The following SAMD7 variants were observed in gnomAD, a reference collection of about 807,000 sequenced individuals.
SAMD7 encodes the protein sterile alpha motif domain-containing protein 7.
A neutral mutation model predicts 36.7 loss-of-function variants in SAMD7; 34 were observed. The observed-to-expected ratio is 0.93, with a 90% CI of 0.71 to 1.23. SAMD7 has a LOEUF of 1.23. SAMD7 is among the 50% of genes most tolerant of loss of function. The pLI, the probability that SAMD7 is intolerant of heterozygous loss-of-function variation, is 0.00. For missense variants in SAMD7, 570 were observed against 546.6 expected (o/e 1.04, Z -0.43); for synonymous variants, 188 against 189.7 (o/e 0.99, Z 0.07).
At chr3:169,915,793 G>A (rs113015447) in intron 2 of SAMD7, among the ~76,000 whole-genome samples, 2 of 151,854 alleles carry the variant, frequency 1.3e-5, no homozygotes, top group South Asian at 4.2e-4. Flanking sequence ...GGCCAGGCTG[G>A]TCTCGAACTC....
chr3:169,917,633 A>G (rs971236661), intron 2 of SAMD7, among the ~76,000 whole-genome samples: 1 of 150,284 alleles, frequency 6.7e-6, no homozygotes, highest in African/African-American at 2.4e-5. Flanking sequence ...TTGTTTATTT[A>G]TTTATTTATT....
chr3:169,916,382 ACACGTCTAATCC>A (rs1225346637), intron 2 of SAMD7, among the ~76,000 whole-genome samples: 1 of 152,232 alleles, frequency 6.6e-6, no homozygotes, highest in Admixed American at 6.5e-5. Context: ...GTGGTGGCTC[ACACGTCTAATCC>A]CAGTGCTATG....
rs199955733 is a variant in SAMD7, at chr3:169,927,091, G to A, written c.829G>A (p.Asp277Asn). Residue 277 changes from aspartate to asparagine, a missense_variant, in exon 6 of 9, where the codon GAT (aspartate) becomes AAT (asparagine). Asp to Asn is a conservative substitution (Grantham distance 23, BLOSUM62 1). Coordinates refer to ENST00000335556, the MANE Select transcript of SAMD7 (RefSeq NM_001304366.2). Reference protein sequence around the residue: ...TTTLKAKAWDDGKEEASEQIF... With the variant: ...TTTLKAKAWDNGKEEASEQIF... ...TACCCTGAAAGCAAAGGCCTGGGAC[G>A]ATGGGAAAGAGGAGGCTTCGGAGCA... 7.7e-4 allele frequency: 1,226 copies of A among 1,598,408 alleles called. No individual in the cohort carries two copies. Among genetic ancestry groups the A allele is most frequent in the Admixed American group, 1.2e-3 (68 of 54,488 alleles).
chr3:169,932,802 A>G, intron 7 of SAMD7: 2 of 549,558 alleles, frequency 3.6e-6, no homozygotes, highest in Middle Eastern at 3.2e-4. Flanking sequence ...ACGTCCCTTT[A>G]TGACTCTGGC....
In SAMD7 at chr3:169,926,971, T is replaced by A; in HGVS notation, c.709T>A (p.Ser237Thr). 6.2e-7 allele frequency: 1 copy of A among 1,613,726 alleles called. No individual in the cohort carries two copies. Among genetic ancestry groups the A allele is most frequent in the Non-Finnish European group, 8.5e-7 (1 of 1,179,954 alleles). Residue 237 changes from serine (S) to threonine (T), a missense_variant, in exon 6 of 9, where the codon TCA becomes ACA. Ser to Thr is a moderately conservative substitution (Grantham distance 58, BLOSUM62 1). Coordinates refer to ENST00000335556, the MANE Select transcript of SAMD7 (RefSeq NM_001304366.2). ...PDIEAPSNQK[S>T]SETNEKPTTA... ...CATTGAAGCACCCAGCAACCAGAAG[T>A]CAAGTGAAACGAATGAAAAGCCAAC...
Position 169,915,738 on chromosome 3 carries a change from C to T in SAMD7, c.-42+297C>T, listed in dbSNP as rs551021070. Among the ~76,000 whole-genome samples the T allele has an allele frequency of 3.4e-4, 51 of 151,562 alleles. 1 individual carries two copies. In the South Asian group the frequency reaches 6.9e-3, roughly 20 times the overall value. ...TAGCTGGGACTACAGGCGCCACACC[C>T]GGCTAATTTTTGTATTTTTAGTAGA... On this transcript the variant is annotated intron_variant, in intron 2 of 8. Coordinates refer to ENST00000335556, the MANE Select transcript of SAMD7 (RefSeq NM_001304366.2).
At chr3:169,926,334 C>A in intron 5 of SAMD7, 1 of 1,341,008 alleles carries the variant, frequency 7.5e-7, no homozygotes, top group Non-Finnish European at 9.8e-7. Flanking sequence ...AGGTAACACT[C>A]TAAAGACTGG....
intron 6 of SAMD7, 27 bp from the exon 7 acceptor site, chr3:169,928,430 A>T: frequency 6.3e-7 from 1 of 1,598,716 alleles, no homozygotes; most frequent in South Asian, 1.1e-5. Flanking sequence ...TATGTATTTT[A>T]TGCCACAATT....
In SAMD7 at chr3:169,925,052, T is replaced by A; in HGVS notation, c.212-6T>A. 1 of 1,595,114 alleles carries A rather than the reference T, an allele frequency of 6.3e-7. No individual in the cohort carries two copies. Among genetic ancestry groups the A allele is most frequent in the Non-Finnish European group, 8.6e-7 (1 of 1,169,314 alleles). ...GTGGGGTGGGATGGTGGTTTTCTTT[T>A]TTAAGGTTGGGGCATTTTACCACCT... On this transcript the variant is annotated splice_region_variant and splice_polypyrimidine_tract_variant and intron_variant, in intron 4 of 8. Transcript: ENST00000335556.
At chr3:169,926,170 T>C (rs1182061860) in intron 5 of SAMD7, 2 of 706,296 alleles carry the variant, frequency 2.8e-6, no homozygotes, top group African/African-American at 1.8e-5. Context: ...AGACTTGCAA[T>C]GTCTAATTGT....
At chr3:169,917,911 G>A (rs1014914161) in intron 2 of SAMD7, among the ~76,000 whole-genome samples, 2 of 150,856 alleles carry the variant, frequency 1.3e-5, no homozygotes, top group Non-Finnish European at 1.5e-5. Flanking sequence ...AAAATGCTGG[G>A]ATTACAGGCA....
chr3:169,920,549 G>A (rs112245922), intron 3 of SAMD7, among the ~76,000 whole-genome samples: 7 of 152,124 alleles, frequency 4.6e-5, no homozygotes, highest in African/African-American at 7.2e-5. Context: ...GTGGCGAGGC[G>A]AAACAAGTCC....
chr3:169,927,281 CTTTCT>C, intron 6 of SAMD7, 100 bp downstream of exon 6: 17 of 225,326 alleles, frequency 7.5e-5, no homozygotes, highest in Non-Finnish European at 1.2e-4. Context: ...CTCTTTTTAT[CTTTCT>C]TTTTTTTTTT....
intron 7 of SAMD7, among the ~76,000 whole-genome samples, chr3:169,935,232 T>C (rs140184007): frequency 1.0e-3 from 154 of 152,288 alleles, no homozygotes; most frequent in African/African-American, 3.5e-3. Flanking sequence ...TTTTCATTAT[T>C]TTTGTTTGTT....
intron 7 of SAMD7, among the ~76,000 whole-genome samples, chr3:169,930,933 G>A (rs531723213): frequency 3.9e-5 from 6 of 152,144 alleles, no homozygotes; most frequent in East Asian, 3.9e-4. Context: ...ATTAGCTGGC[G>A]TTAAACCTAC....
chr3:169,923,398 C>G (rs2108259552), intron 4 of SAMD7, among the ~76,000 whole-genome samples: 1 of 152,342 alleles, frequency 6.6e-6, no homozygotes, highest in Admixed American at 6.5e-5. Context: ...AGCAATAACC[C>G]AGTAATCTGC....
intron 7 of SAMD7, among the ~76,000 whole-genome samples, chr3:169,929,275 T>C (rs1373382282): frequency 6.6e-6 from 1 of 152,168 alleles, no homozygotes; most frequent in Admixed American, 6.5e-5. Flanking sequence ...TTTTTTGAGT[T>C]ATTTAATAAT....
At chr3:169,927,534 A>T (rs1282099763) in intron 6 of SAMD7, among the ~76,000 whole-genome samples, 1 of 151,720 alleles carries the variant, frequency 6.6e-6, no homozygotes, top group Non-Finnish European at 1.5e-5. Flanking sequence ...TGACCTCGTG[A>T]TCCGCCCGCC....
Position 169,919,582 on chromosome 3 carries a change from C to A in SAMD7, c.84C>A (p.Asp28Glu), listed in dbSNP as rs1169496566. The change falls in exon 3 of 9, where the codon GAC becomes GAA. Residue 28 changes from aspartate to glutamate, a missense_variant and splice_region_variant. Asp to Glu is a conservative substitution (Grantham distance 45). Transcript: ENST00000335556. Reference sequence around the variant, plus strand: ...CACCATTTGGGCCTCCAACTGTGGACAGGTATTTCTCTTCAATATAATAGT... The same window carrying A: ...CACCATTTGGGCCTCCAACTGTGGAAAGGTATTTCTCTTCAATATAATAGT... Reference protein sequence around the residue: ...IPSPFGPPTVDRDVLPSTVAP... With the variant: ...IPSPFGPPTVERDVLPSTVAP... The A allele has an allele frequency of 1.2e-6, 2 of 1,604,854 alleles. No homozygotes were observed. Among genetic ancestry groups the A allele is most frequent in the South Asian group, 2.2e-5 (2 of 90,878 alleles).
Sources: allele counts gnomAD v4.1 joint callset (sites outside exome capture counted in the v4.1 genomes callset), GRCh38; gene constraint gnomAD v4.1.1; transcripts MANE v1.5; gene names NCBI Gene and HGNC (gene_info 2026-07-23, HGNC 2026-07-21).